The following HDAC9 variants were observed in gnomAD, a reference collection of about 807,000 sequenced individuals.
The protein encoded by HDAC9 is histone deacetylase 9.
In HDAC9, 41 loss-of-function variants were observed where a neutral mutation model predicts 139.4. The observed-to-expected ratio is 0.29, with a 90% CI of 0.23 to 0.38. HDAC9 has a LOEUF of 0.38. Among genes scored for constraint, HDAC9 ranks in the 10% least tolerant of loss-of-function variants. The probability of loss-of-function intolerance (pLI) is 1.00; values close to 1 mark genes in which losing one functional copy is unlikely to be tolerated. For synonymous variants in HDAC9, 517 were observed against 476.2 expected, an observed-to-expected ratio of 1.09 and a Z score of -1.12; for missense variants, 1,147 against 1,297.0, an observed-to-expected ratio of 0.88 and a Z score of 1.78.
intron 25 of HDAC9, among the ~76,000 whole-genome samples, chr7:18,992,216 T>G (rs1421072839): frequency 6.6e-6 from 1 of 152,242 alleles, no homozygotes; most frequent in Non-Finnish European, 1.5e-5. Flanking sequence ...ACTACAGCTT[T>G]ATTCATGGTG....
intron 24 of HDAC9, among the ~76,000 whole-genome samples, chr7:18,973,626 G>C (rs985639633): frequency 6.6e-6 from 1 of 152,154 alleles, no homozygotes; most frequent in Non-Finnish European, 1.5e-5. Context: ...TGAAATATTA[G>C]AGCTGGATAG....
chr7:18,207,520 C>G (rs953440934), intron 2 of HDAC9, among the ~76,000 whole-genome samples: 8 of 136,976 alleles, frequency 5.8e-5, no homozygotes, highest in Admixed American at 1.5e-4. Flanking sequence ...TGTCCTCTCA[C>G]CTCATCTGCC....
At chr7:18,450,773 G>C (rs1164405858) in intron 1 of HDAC9, among the ~76,000 whole-genome samples, 1 of 152,110 alleles carries the variant, frequency 6.6e-6, no homozygotes, top group Non-Finnish European at 1.5e-5. Context: ...TTAGGAAGAG[G>C]TGAAGCTTCA....
chr7:18,183,962 A>G (rs1789707948), intron 2 of HDAC9, among the ~76,000 whole-genome samples: 1 of 152,230 alleles, frequency 6.6e-6, no homozygotes, highest in African/African-American at 2.4e-5. Context: ...CCAGGAAAAT[A>G]AAACTATTGC....
intron 12 of HDAC9, among the ~76,000 whole-genome samples, chr7:18,713,597 A>G (rs540444901): frequency 6.6e-6 from 1 of 152,304 alleles, no homozygotes; most frequent in East Asian, 1.9e-4. Flanking sequence ...TTGTCTTGTC[A>G]TCCTCATAAG....
intron 1 of HDAC9, among the ~76,000 whole-genome samples, chr7:18,477,101 A>T (rs1056745988): frequency 2.0e-5 from 3 of 152,234 alleles, no homozygotes; most frequent in African/African-American, 7.2e-5. Context: ...GTTCACCTTG[A>T]CAATGTTCAC....
At chr7:18,867,943 G>T (rs547683853) in intron 21 of HDAC9, among the ~76,000 whole-genome samples, 1 of 152,038 alleles carries the variant, frequency 6.6e-6, no homozygotes, top group Admixed American at 6.6e-5. Context: ...TGCAATTTTA[G>T]TTTTTATCTT....
chr7:18,801,883 T>C (rs1335659640), intron 17 of HDAC9, among the ~76,000 whole-genome samples: 1 of 152,032 alleles, frequency 6.6e-6, no homozygotes, highest in African/African-American at 2.4e-5. Context: ...TATCCTCTTT[T>C]AACACTTCAA....
At chr7:18,116,268 G>A (rs1584136065) in intron 1 of HDAC9, among the ~76,000 whole-genome samples, 2 of 152,158 alleles carry the variant, frequency 1.3e-5, no homozygotes, top group South Asian at 4.1e-4. Flanking sequence ...ATTCCAGAAT[G>A]AGAAATTGGA....
intron 2 of HDAC9, among the ~76,000 whole-genome samples, chr7:18,579,472 A>C (rs1305402111): frequency 6.6e-6 from 1 of 152,218 alleles, no homozygotes; most frequent in Non-Finnish European, 1.5e-5. Context: ...CCAAACTCTC[A>C]CAGGTTTCCA....
intron 1 of HDAC9, among the ~76,000 whole-genome samples, chr7:18,433,150 A>G (rs1191472651): frequency 2.0e-5 from 3 of 152,190 alleles, no homozygotes; most frequent in African/African-American, 7.2e-5. Context: ...AAGCCACATG[A>G]TCATCTCAAT....
intron 2 of HDAC9, among the ~76,000 whole-genome samples, chr7:18,240,986 A>G (rs906409814): frequency 6.6e-6 from 1 of 152,150 alleles, no homozygotes; most frequent in African/African-American, 2.4e-5. Context: ...TAGGACCAGT[A>G]CTTCAGGTGT....
At chr7:18,284,994 C>A (rs886134415) in intron 2 of HDAC9, among the ~76,000 whole-genome samples, 2 of 152,150 alleles carry the variant, frequency 1.3e-5, no homozygotes, top group Non-Finnish European at 2.9e-5. Flanking sequence ...TTCTGAATTG[C>A]CAGACAAGCT....
intron 2 of HDAC9, among the ~76,000 whole-genome samples, chr7:18,262,379 C>T (rs567059590): frequency 6.6e-6 from 1 of 152,280 alleles, no homozygotes; most frequent in Non-Finnish European, 1.5e-5. Flanking sequence ...AAAGTTCTAT[C>T]TGTAGAAAAA....
intron 24 of HDAC9, among the ~76,000 whole-genome samples, chr7:18,966,474 A>T (rs1783856344): frequency 6.6e-6 from 1 of 152,136 alleles, no homozygotes; most frequent in South Asian, 2.1e-4. Context: ...AGGCCGTGGC[A>T]GGCAGATCAT....
rs376205175 is a variant in HDAC9 at position 18,568,026 on chromosome 7, G to A, written c.23-17255G>A. Among the ~76,000 whole-genome samples the A allele has an allele frequency of 1.3e-3, 159 of 126,788 alleles. 1 individual carries two copies. The highest frequency in any genetic ancestry group is 4.5e-3 in the African/African-American group (146 of 32,724). 83.2% of individuals were successfully genotyped at this position (126,788 alleles called of 152,430 possible). A position where few individuals can be genotyped will look rare whatever the true frequency, so the allele number is the denominator to read the frequency against. On this transcript the variant is annotated intron_variant, in intron 2 of 25. Coordinates refer to ENST00000686413, the MANE Select transcript of HDAC9 (RefSeq NM_178425.4). The stretch of plus-strand genomic sequence containing the variant: ...TTATACATACAGGATATATGTATAT[G>A]TATATATATATATATATATATATAT...
At chr7:18,446,619 T>C (rs899284212) in intron 1 of HDAC9, among the ~76,000 whole-genome samples, 12 of 152,252 alleles carry the variant, frequency 7.9e-5, no homozygotes, top group African/African-American at 2.9e-4. Context: ...TATGTCCACA[T>C]CCTCAGCAAA....
chr7:18,447,967 A>G (rs1792449652), intron 1 of HDAC9, among the ~76,000 whole-genome samples: 1 of 152,078 alleles, frequency 6.6e-6, no homozygotes, highest in African/African-American at 2.4e-5. Context: ...TAGCTTCCCT[A>G]ATAGCTGGGA....
intron 1 of HDAC9, among the ~76,000 whole-genome samples, chr7:18,382,557 A>G (rs948650818): frequency 3.9e-5 from 6 of 152,380 alleles, no homozygotes; most frequent in Middle Eastern, 3.4e-3. Flanking sequence ...GCCTGCGCCC[A>G]TGGAGTGTAT....
Sources: allele counts gnomAD v4.1 joint callset (sites outside exome capture counted in the v4.1 genomes callset), GRCh38; gene constraint gnomAD v4.1.1; transcripts MANE v1.5; gene names NCBI Gene and HGNC (gene_info 2026-07-23, HGNC 2026-07-21).